The following LANCL2 variants were observed in gnomAD, a reference collection of about 807,000 sequenced individuals.
The protein encoded by LANCL2 is LanC like glutathione S-transferase 2.
In LANCL2, 33 loss-of-function variants were observed where a neutral mutation model predicts 56.9. That is an observed-to-expected ratio of 0.58 (90% CI 0.44 to 0.78). LANCL2 has a LOEUF of 0.78. LANCL2 is among the 30% of genes least tolerant of loss of function. The probability of loss-of-function intolerance (pLI) is 0.00; values close to 1 mark genes in which losing one functional copy is unlikely to be tolerated. For missense variants in LANCL2, 562 were observed against 580.2 expected (o/e 0.97, Z 0.32); for synonymous variants, 233 against 228.2 (o/e 1.02, Z -0.19).
At chr7:55,374,624 TG>T (rs1348365961) in intron 1 of LANCL2, among the ~76,000 whole-genome samples, 2 of 152,174 alleles carry the variant, frequency 1.3e-5, no homozygotes, top group Non-Finnish European at 2.9e-5. Context: ...TCATTTTGTT[TG>T]CAAAATGGAA....
At chr7:55,422,941 G>A (rs1473959919) in intron 6 of LANCL2, among the ~76,000 whole-genome samples, 3 of 152,196 alleles carry the variant, frequency 2.0e-5, no homozygotes, top group African/African-American at 7.2e-5. Context: ...CAGGTCGGGT[G>A]CGGTGGAACA....
At chr7:55,397,702 G>A (rs1057030556) in intron 2 of LANCL2, among the ~76,000 whole-genome samples, 18 of 109,482 alleles carry the variant, frequency 1.6e-4, no homozygotes, top group Non-Finnish European at 2.6e-4. Context: ...TTGTCTTCTC[G>A]AACCCAGATG....
rs202158894 is a variant in LANCL2, at chr7:55,418,522, T to C, written c.1008+6433T>C. Among the ~76,000 whole-genome samples the C allele has an allele frequency of 5.9e-5, 9 of 152,350 alleles. No homozygotes were observed. The East Asian group carries it at 1.7e-3, about 29-fold the overall frequency. ...ATTGACTTTATATTCTGTGCTAAAT[T>C]CACGTATCAGTTCTGGTAGCTTTTT... is the stretch of plus-strand genomic sequence containing the variant. On this transcript the variant is annotated intron_variant, in intron 6 of 8. Coordinates refer to ENST00000254770, the MANE Select transcript of LANCL2 (RefSeq NM_018697.4).
At chr7:55,380,289 A>T (rs2128991695) in intron 1 of LANCL2, among the ~76,000 whole-genome samples, 1 of 152,322 alleles carries the variant, frequency 6.6e-6, no homozygotes, top group East Asian at 1.9e-4. Context: ...GTCTCAAAAT[A>T]GATTTGCCCA....
intron 5 of LANCL2, among the ~76,000 whole-genome samples, chr7:55,406,531 A>G (rs1213566631): frequency 6.6e-6 from 1 of 152,148 alleles, no homozygotes; most frequent in Non-Finnish European, 1.5e-5. Context: ...GCCTGTCATG[A>G]CTGGGAGCTT....
Position 55,381,504 on chromosome 7 carries a change from G to A in LANCL2, c.205-10289G>A, listed in dbSNP as rs117065296. Among the ~76,000 whole-genome samples the A allele has an allele frequency of 7.9e-4, 121 of 152,330 alleles. 2 individuals carry two copies. In the East Asian group the frequency reaches 0.021, roughly 26 times the overall value. On this transcript the variant is annotated intron_variant, in intron 1 of 8. Coordinates refer to ENST00000254770, the MANE Select transcript of LANCL2 (RefSeq NM_018697.4). ...GATAGAAATTGAGAGGAGAGCTGCT[G>A]CCCCAGAAACAGAATTTGCAATTCA...
At chr7:55,381,693 C>G (rs1191052767) in intron 1 of LANCL2, among the ~76,000 whole-genome samples, 2 of 152,262 alleles carry the variant, frequency 1.3e-5, no homozygotes, top group East Asian at 3.9e-4. Context: ...GACAAATTAA[C>G]AAGAGAAAAA....
intron 1 of LANCL2, among the ~76,000 whole-genome samples, chr7:55,385,753 G>T (rs1790118348): frequency 6.6e-6 from 1 of 152,176 alleles, no homozygotes; most frequent in Admixed American, 6.5e-5. Context: ...AGGAGACAGG[G>T]TTTTGAGATC....
intron 1 of LANCL2, chr7:55,379,865 T>C (rs1041951423): frequency 1.3e-5 from 2 of 152,260 alleles, no homozygotes; most frequent in African/African-American, 4.8e-5. Flanking sequence ...AATGTGTTTG[T>C]CCAGTTAACT....
At chr7:55,381,914 GTAGA>G (rs2128991869) in intron 1 of LANCL2, among the ~76,000 whole-genome samples, 1 of 152,356 alleles carries the variant, frequency 6.6e-6, no homozygotes, top group East Asian at 1.9e-4. Flanking sequence ...GGTTTGTGAT[GTAGA>G]TTTCTCTGGT....
At chr7:55,429,299 A>G (rs1790702275) in intron 8 of LANCL2, among the ~76,000 whole-genome samples, 3 of 152,204 alleles carry the variant, frequency 2.0e-5, no homozygotes, top group Non-Finnish European at 4.4e-5. Context: ...ACAAACTTCT[A>G]GGTCTGGAGA....
In LANCL2 at chr7:55,432,207, C is replaced by G. The variant is rs1251736945; in HGVS notation, c.*887C>G. On this transcript the variant is annotated 3_prime_UTR_variant, in exon 9 of 9. Transcript: ENST00000254770. ...TGTTCTAAGAAAAGTAAATACAGTT[C>G]CAGATGGGTTATTGCAGATTAACAG... The G allele has an allele frequency of 1.3e-5, 2 of 152,170 alleles. No homozygotes were observed. Among genetic ancestry groups the G allele is most frequent in the Non-Finnish European group, 2.9e-5 (2 of 68,028 alleles). The allele number at this position is 152,170 out of a possible 1,614,324, so 9.4% of individuals were successfully genotyped here.
Position 55,366,103 on chromosome 7 carries a change from C to T in LANCL2, c.78C>T (p.Asn26=), listed in dbSNP as rs369633102. The part of the protein sequence containing the change: ...EAEMEERAFV[N]PFPDYEAAAG... Reference sequence around the variant, plus strand: ...AAATGGAGGAACGGGCGTTCGTCAACCCCTTCCCGGACTACGAGGCCGCCG... The same window carrying T: ...AAATGGAGGAACGGGCGTTCGTCAATCCCTTCCCGGACTACGAGGCCGCCG... The change falls in exon 1 of 9, where the codon AAC becomes AAT. Residue 26 remains asparagine, a synonymous_variant. Transcript: ENST00000254770. 28 of 1,543,176 alleles carry T rather than the reference C, an allele frequency of 1.8e-5. No individual in the cohort carries two copies. In the East Asian group the frequency reaches 2.7e-4, roughly 15 times the overall value.
chr7:55,402,494 G>A (rs1790347439), intron 5 of LANCL2, among the ~76,000 whole-genome samples: 13 of 144,426 alleles, frequency 9.0e-5, no homozygotes, highest in Admixed American at 8.8e-4. Flanking sequence ...CTCCCAGTAG[G>A]GGCGGCCGGG....
intron 1 of LANCL2, among the ~76,000 whole-genome samples, chr7:55,368,820 C>T (rs375863807): frequency 1.4e-4 from 22 of 152,150 alleles, no homozygotes; most frequent in Middle Eastern, 3.4e-3. Flanking sequence ...ATATGATGGG[C>T]CCCTAATCCA....
rs913868730 is a variant in LANCL2 at position 55,428,454 on chromosome 7, G to T, written c.1258+7G>T. On this transcript the variant is annotated splice_region_variant and intron_variant, in intron 8 of 8. Transcript: ENST00000254770. The stretch of plus-strand genomic sequence containing the variant: ...CCCTATTCGCTCTTTGAAGGTAAGA[G>T]TGAGAAAAATGCTATAGATTAAATG... 6.2e-7 allele frequency: 1 copy of T among 1,612,832 alleles called. No individual in the cohort carries two copies. Among genetic ancestry groups the T allele is most frequent in the Non-Finnish European group, 8.5e-7 (1 of 1,178,820 alleles).
chr7:55,402,482 T>A (rs1391349187), intron 5 of LANCL2, among the ~76,000 whole-genome samples: 119 of 70,500 alleles, frequency 1.7e-3, no homozygotes, highest in Middle Eastern at 0.013. Flanking sequence ...GGGGCTCCTC[T>A]CCTCCCAGTA....
intron 1 of LANCL2, among the ~76,000 whole-genome samples, chr7:55,373,000 G>C (rs1442969981): frequency 1.3e-5 from 2 of 152,198 alleles, no homozygotes; most frequent in Non-Finnish European, 2.9e-5. Context: ...GAAATATGGA[G>C]GTTGGGAATT....
At chr7:55,423,443 C>T (rs1790630255) in intron 6 of LANCL2, among the ~76,000 whole-genome samples, 1 of 152,256 alleles carries the variant, frequency 6.6e-6, no homozygotes. Flanking sequence ...GATTTCAGAA[C>T]ACAGCCTCTC....
Sources: gnomAD v4.1 joint callset for allele counts (sites outside exome capture counted in the v4.1 genomes callset) on GRCh38, gnomAD v4.1.1 for gene constraint, MANE v1.5 for transcripts, NCBI Gene and HGNC (gene_info 2026-07-23, HGNC 2026-07-21) for gene names.